ZNF385D: variants seen among roughly 807,000 people sequenced by gnomAD.
ZNF385D encodes the protein zinc finger protein 659.
In ZNF385D, 15 loss-of-function variants were observed where a neutral mutation model predicts 35.8. That is an observed-to-expected ratio of 0.42 (90% confidence interval 0.28 to 0.64). The LOEUF (loss-of-function observed/expected upper bound fraction) is 0.64. ZNF385D is among the 30% of genes least tolerant of loss of function. The probability of loss-of-function intolerance (pLI) is 0.23; values close to 1 mark genes in which losing one functional copy is unlikely to be tolerated. For synonymous variants in ZNF385D, 212 were observed against 186.8 expected, an observed-to-expected ratio of 1.13 and a Z score of -1.10; for missense variants, 474 against 494.6, an observed-to-expected ratio of 0.96 and a Z score of 0.39.
chr3:22,095,700 G>C (rs1296231253), intron 3 of ZNF385D, among the ~76,000 whole-genome samples: 1 of 151,846 alleles, frequency 6.6e-6, no homozygotes, highest in Non-Finnish European at 1.5e-5. Context: ...GTGAATAATT[G>C]CTTTTAAAAT....
intron 3 of ZNF385D, among the ~76,000 whole-genome samples, chr3:21,934,022 A>ATC (rs1701142853): frequency 2.0e-5 from 3 of 152,030 alleles, no homozygotes; most frequent in African/African-American, 7.2e-5. Flanking sequence ...AAAAATCCTA[A>ATC]CTTTGGCTAA....
chr3:21,729,045 T>C (rs2068884434), intron 1 of ZNF385D, among the ~76,000 whole-genome samples: 1 of 152,198 alleles, frequency 6.6e-6, no homozygotes, highest in Non-Finnish European at 1.5e-5. Flanking sequence ...TCACTGTCTA[T>C]GCTCTTAACT....
intron 4 of ZNF385D, among the ~76,000 whole-genome samples, chr3:21,461,113 A>G (rs753054756): frequency 6.6e-6 from 1 of 152,170 alleles, no homozygotes; most frequent in African/African-American, 2.4e-5. Flanking sequence ...TTCCCATCAC[A>G]TATGATATTT....
rs192363301 is a variant in ZNF385D, at chr3:21,437,532, A to G, written c.440-329T>C. ...ATTTATAATATATTGTAGTCTCTCA[A>G]TACATATTTCTAAATGGCTTTTTCT... On this transcript the variant is annotated intron_variant, in intron 4 of 7. Transcript: ENST00000281523. Among the ~76,000 whole-genome samples the G allele has an allele frequency of 5.3e-4, 80 of 152,078 alleles. 1 individual carries two copies. Among genetic ancestry groups the G allele is most frequent in the African/African-American group, 1.8e-3 (76 of 41,508 alleles).
At chr3:21,422,092 A>T (rs1700766940) in intron 7 of ZNF385D, among the ~76,000 whole-genome samples, 1 of 152,210 alleles carries the variant, frequency 6.6e-6, no homozygotes, top group South Asian at 2.1e-4. Flanking sequence ...CATCAATAAA[A>T]TACCTGTTCT....
At chr3:21,928,001 T>G (rs1700817834) in intron 3 of ZNF385D, among the ~76,000 whole-genome samples, 2 of 151,996 alleles carry the variant, frequency 1.3e-5, no homozygotes, top group African/African-American at 4.8e-5. Flanking sequence ...AGGCAGGAAG[T>G]TCACTTGAGC....
intron 2 of ZNF385D, among the ~76,000 whole-genome samples, chr3:22,312,179 T>C (rs1338795012): frequency 1.3e-5 from 2 of 152,166 alleles, no homozygotes; most frequent in African/African-American, 4.8e-5. Context: ...ATGATACTCG[T>C]TTGGCTTGTG....
At chr3:21,810,373 CG>C (rs1559644751) in intron 3 of ZNF385D, among the ~76,000 whole-genome samples, 2 of 102,734 alleles carry the variant, frequency 1.9e-5, no homozygotes, top group Non-Finnish European at 3.9e-5. Context: ...TGGGGCCTGT[CG>C]GGGGTGGGGG....
intron 2 of ZNF385D, among the ~76,000 whole-genome samples, chr3:22,307,298 T>A (rs1268233833): frequency 2.0e-5 from 3 of 151,512 alleles, no homozygotes; most frequent in Non-Finnish European, 4.4e-5. Flanking sequence ...TAGATTAGAG[T>A]CATAATGGAG....
intron 2 of ZNF385D, among the ~76,000 whole-genome samples, chr3:22,305,701 C>T (rs1210151309): frequency 1.3e-5 from 2 of 152,172 alleles, no homozygotes; most frequent in African/African-American, 4.8e-5. Context: ...CACACGGCCA[C>T]AACTAACTTC....
chr3:22,130,267 G>T (rs1484838454), intron 3 of ZNF385D, among the ~76,000 whole-genome samples: 1 of 152,068 alleles, frequency 6.6e-6, no homozygotes, highest in East Asian at 1.9e-4. Flanking sequence ...TTGGGAGAAG[G>T]GTGATGCAAG....
intron 2 of ZNF385D, among the ~76,000 whole-genome samples, chr3:21,566,552 C>T (rs1204039127): frequency 6.6e-6 from 1 of 152,030 alleles, no homozygotes; most frequent in African/African-American, 2.4e-5. Flanking sequence ...ATCGCTTGAA[C>T]CCAGATTGCA....
At chr3:22,371,973 C>T (rs1019275660) in intron 2 of ZNF385D, among the ~76,000 whole-genome samples, 3 of 152,140 alleles carry the variant, frequency 2.0e-5, no homozygotes, top group Admixed American at 6.5e-5. Flanking sequence ...AGGAAGCTGT[C>T]CCGCTGTGTT....
chr3:22,144,361 G>T (rs1016370557), intron 3 of ZNF385D, among the ~76,000 whole-genome samples: 1 of 152,008 alleles, frequency 6.6e-6, no homozygotes, highest in East Asian at 1.9e-4. Context: ...ATCACTTGAG[G>T]TCAGGAGTTT....
chr3:22,181,759 A>T (rs1389195691), intron 2 of ZNF385D, among the ~76,000 whole-genome samples: 1 of 151,870 alleles, frequency 6.6e-6, no homozygotes, highest in Non-Finnish European at 1.5e-5. Flanking sequence ...GAGTGGGATT[A>T]TGTTACAAAA....
rs192797470 is a variant in ZNF385D, at chr3:21,639,123, T to C, written c.165+25763A>G. Among the ~76,000 whole-genome samples, 582 of 152,222 alleles carry C rather than the reference T, an allele frequency of 3.8e-3. 5 individuals are homozygous for C. Among genetic ancestry groups the C allele is most frequent in the Non-Finnish European group, 4.9e-3 (335 of 67,982 alleles). Reference sequence around the variant, plus strand: ...GAGCAACCAATTATAATTTTTCAAATTGTTCAAGAACAACTAAGATAAAAA... The same window carrying C: ...GAGCAACCAATTATAATTTTTCAAACTGTTCAAGAACAACTAAGATAAAAA... On this transcript the variant is annotated intron_variant, in intron 2 of 7. Transcript: ENST00000281523.
chr3:21,928,061 T>TAA (rs1262467878), intron 3 of ZNF385D, among the ~76,000 whole-genome samples: 1 of 151,774 alleles, frequency 6.6e-6, no homozygotes, highest in Non-Finnish European at 1.5e-5. Flanking sequence ...CGATAAATAT[T>TAA]AAAAATAAAA....
intron 2 of ZNF385D, among the ~76,000 whole-genome samples, chr3:21,649,072 A>G (rs540907263): frequency 2.2e-4 from 34 of 152,152 alleles, no homozygotes; most frequent in Non-Finnish European, 4.1e-4. Context: ...TTGATACTCA[A>G]TATGTGGTCT....
In ZNF385D at chr3:22,206,134, T is replaced by G. The variant is rs79847826; in HGVS notation, c.107-37099A>C. Among the ~76,000 whole-genome samples, 138 of 152,052 alleles carry G rather than the reference T, an allele frequency of 9.1e-4. 2 individuals carry two copies. In the East Asian group the frequency reaches 0.026, roughly 29 times the overall value. On this transcript the variant is annotated intron_variant, in intron 2 of 5. Transcript: ENST00000494108. ...CATAAAAAGGCAGGAACAGCTATACTTACATCAGACAAAATAGATATCAAG... is the reference window on the plus strand; with the variant it reads ...CATAAAAAGGCAGGAACAGCTATACGTACATCAGACAAAATAGATATCAAG...
Sources: gnomAD v4.1 joint callset for allele counts (sites outside exome capture counted in the v4.1 genomes callset) on GRCh38, gnomAD v4.1.1 for gene constraint, MANE v1.5 for transcripts, NCBI Gene and HGNC (gene_info 2026-07-23, HGNC 2026-07-21) for gene names.